Variants in UMAD1 observed in about 807,000 individuals in gnomAD.
UMAD1 encodes UBAP1-MVB12-associated (UMA) domain containing 1, also known as UBAP1-MVB12-associated (UMA)-domain containing protein 1.
UMAD1 carries 8 observed loss-of-function variants against 6.1 expected under a neutral mutation model. That is an observed-to-expected ratio of 1.30 (90% CI 0.76 to 2.35). The LOEUF (loss-of-function observed/expected upper bound fraction) is 2.35. Ranked by LOEUF, UMAD1 falls within the 30% of genes most tolerant of loss-of-function variation. The probability of loss-of-function intolerance (pLI) is 0.00; values close to 1 mark genes in which losing one functional copy is unlikely to be tolerated. For missense variants in UMAD1, 130 were observed against 78.4 expected, an observed-to-expected ratio of 1.66 and a Z score of -2.49; for synonymous variants, 56 against 31.4, an observed-to-expected ratio of 1.78 and a Z score of -2.61.
intron 2 of UMAD1, among the ~76,000 whole-genome samples, chr7:7,701,737 C>A (rs569122263): frequency 6.6e-6 from 1 of 152,052 alleles, no homozygotes; most frequent in Admixed American, 6.6e-5. Flanking sequence ...TTATCAGTTC[C>A]CCTTCATTCT....
intron 2 of UMAD1, among the ~76,000 whole-genome samples, chr7:7,699,606 G>T (rs1780407653): frequency 6.6e-6 from 1 of 152,176 alleles, no homozygotes. Context: ...CTTGGAAATA[G>T]ATTTAGTTCT....
intron 3 of UMAD1, among the ~76,000 whole-genome samples, 159 bp downstream of exon 3, chr7:7,801,902 A>G (rs1289287450): frequency 6.6e-6 from 1 of 152,278 alleles, no homozygotes; most frequent in African/African-American, 2.4e-5. Context: ...AGAGCAGTAC[A>G]GGGAGTGCCT....
chr7:7,763,294 G>T (rs1001735967), intron 2 of UMAD1, among the ~76,000 whole-genome samples: 2 of 151,984 alleles, frequency 1.3e-5, no homozygotes, highest in Non-Finnish European at 2.9e-5. Flanking sequence ...GATACAAGGG[G>T]TGCATGCGCA....
chr7:7,644,967 C>A (rs1273540925), intron 1 of UMAD1, among the ~76,000 whole-genome samples: 3 of 152,152 alleles, frequency 2.0e-5, no homozygotes, highest in Non-Finnish European at 4.4e-5. Flanking sequence ...CTCTTAAAAT[C>A]TTTCCAAAAG....
intron 2 of UMAD1, among the ~76,000 whole-genome samples, chr7:7,765,845 T>C (rs1198782457): frequency 6.6e-6 from 1 of 152,218 alleles, no homozygotes; most frequent in Non-Finnish European, 1.5e-5. Flanking sequence ...GTTTTATAAA[T>C]AGAATGTTCT....
chr7:7,800,403 AT>A (rs1381625206), intron 2 of UMAD1, among the ~76,000 whole-genome samples: 1 of 152,240 alleles, frequency 6.6e-6, no homozygotes, highest in African/African-American at 2.4e-5. Flanking sequence ...TGATTTTATA[AT>A]TTAACAGGCT....
chr7:7,811,596 C>T (rs1172219172), intron 3 of UMAD1, among the ~76,000 whole-genome samples: 1 of 152,164 alleles, frequency 6.6e-6, no homozygotes, highest in Non-Finnish European at 1.5e-5. Context: ...AGCGCCCTCC[C>T]TGCCCAGAAG....
chr7:7,641,002 A>C (rs1236023905), intron 1 of UMAD1, 181 bp downstream of exon 1: 1 of 152,946 alleles, frequency 6.5e-6, no homozygotes, highest in Non-Finnish European at 1.5e-5. Context: ...GAGGCGCGGG[A>C]GTTTTGCGGA....
At chr7:7,815,421 T>G (rs1783107077) in intron 3 of UMAD1, among the ~76,000 whole-genome samples, 1 of 152,132 alleles carries the variant, frequency 6.6e-6, no homozygotes, top group Non-Finnish European at 1.5e-5. Flanking sequence ...ATTGATTAAA[T>G]CATTTAGGAA....
At chr7:7,725,617 A>G (rs184578961) in intron 2 of UMAD1, among the ~76,000 whole-genome samples, 1 of 152,306 alleles carries the variant, frequency 6.6e-6, no homozygotes, top group African/African-American at 2.4e-5. Context: ...CCTATCATGA[A>G]CTGGGTGCTT....
chr7:7,861,072 T>C lies in UMAD1; in HGVS notation c.157-16209T>C, dbSNP rs553808065. Among the ~76,000 whole-genome samples, 22 of 152,218 alleles carry C rather than the reference T, an allele frequency of 1.4e-4. No homozygotes were observed. The South Asian group carries it at 4.6e-3, about 32-fold the overall frequency. On this transcript the variant is annotated intron_variant, in intron 3 of 3. Transcript: ENST00000682710. ...GGCAAATATATAGAGACAAAAAGTGTTTACAAAAAGCTTACCCAGGGCTTG... is the reference window on the plus strand; with the variant it reads ...GGCAAATATATAGAGACAAAAAGTGCTTACAAAAAGCTTACCCAGGGCTTG...
At chr7:7,676,673 CT>C (rs1357856401) in intron 2 of UMAD1, among the ~76,000 whole-genome samples, 1 of 152,072 alleles carries the variant, frequency 6.6e-6, no homozygotes, top group African/African-American at 2.4e-5. Context: ...CTAACCCAAA[CT>C]TTTTACTATT....
chr7:7,691,461 G>A (rs28912723), intron 2 of UMAD1, among the ~76,000 whole-genome samples: 1 of 152,112 alleles, frequency 6.6e-6, no homozygotes, highest in Non-Finnish European at 1.5e-5. Flanking sequence ...TAAAATATCA[G>A]TATTTACTAC....
At chr7:7,669,752 C>G (rs1277576889) in intron 1 of UMAD1, among the ~76,000 whole-genome samples, 1 of 152,132 alleles carries the variant, frequency 6.6e-6, no homozygotes, top group East Asian at 1.9e-4. Context: ...GTGATAGACA[C>G]GAGGGTGACT....
chr7:7,843,656 GGAAATAAACTTAA>G (rs1426380028), intron 3 of UMAD1, among the ~76,000 whole-genome samples: 1 of 152,102 alleles, frequency 6.6e-6, no homozygotes, highest in African/African-American at 2.4e-5. Context: ...CTAGTAGGCT[GGAAATAAACTTAA>G]GACCCAGTAA....
At chr7:7,721,727 G>T (rs1241008726) in intron 2 of UMAD1, among the ~76,000 whole-genome samples, 1 of 152,102 alleles carries the variant, frequency 6.6e-6, no homozygotes, top group Non-Finnish European at 1.5e-5. Flanking sequence ...TTTGCTACCT[G>T]CCCTCTCAGG....
chr7:7,741,189 G>A (rs1194127735), intron 2 of UMAD1: 2 of 151,968 alleles, frequency 1.3e-5, no homozygotes, highest in Non-Finnish European at 2.9e-5. Context: ...AATTCAGGGA[G>A]TAAGTCTTTA....
intron 3 of UMAD1, among the ~76,000 whole-genome samples, chr7:7,834,592 T>C (rs1359489622): frequency 6.8e-6 from 1 of 147,670 alleles, no homozygotes; most frequent in Non-Finnish European, 1.5e-5. Flanking sequence ...GGCTTGCAGA[T>C]GGCCACCTTC....
intron 2 of UMAD1, among the ~76,000 whole-genome samples, chr7:7,799,000 C>G (rs547266161): frequency 6.6e-6 from 1 of 152,246 alleles, no homozygotes; most frequent in African/African-American, 2.4e-5. Context: ...ATTTTTTTAT[C>G]TATCCAAGAT....
Sources: gnomAD v4.1 joint callset for allele counts (sites outside exome capture counted in the v4.1 genomes callset) on GRCh38, gnomAD v4.1.1 for gene constraint, MANE v1.5 for transcripts, NCBI Gene and HGNC (gene_info 2026-07-23, HGNC 2026-07-21) for gene names.